SHISA9: variants seen among roughly 807,000 people sequenced by gnomAD.
SHISA9 encodes protein shisa-9.
SHISA9 carries 13 observed loss-of-function variants against 38.0 expected under a neutral mutation model. The observed-to-expected ratio is 0.34, with a 90% CI of 0.22 to 0.54. The LOEUF is 0.54. Among genes scored for constraint, SHISA9 ranks in the 20% least tolerant of loss-of-function variants. SHISA9 has a pLI of 0.91. For missense variants in SHISA9, 538 were observed against 575.8 expected (o/e 0.93, Z 0.67); for synonymous variants, 275 against 242.0 (o/e 1.14, Z -1.27).
the SHISA9 span, among the ~76,000 whole-genome samples, chr16:13,420,182 G>A: frequency 0.012 from 1,557 of 133,086 alleles, 39 homozygotes; most frequent in African/African-American, 0.041. Flanking sequence ...GAGCGGGGAG[G>A]TTGCCCTGAG....
At chr16:13,296,431 A>T in the SHISA9 span, among the ~76,000 whole-genome samples, 2 of 149,116 alleles carry the variant, frequency 1.3e-5, no homozygotes, top group African/African-American at 5.1e-5. Context: ...CGCAGGGGGG[A>T]AAAAAACAGA....
chr16:13,302,706 A>T, the SHISA9 span, among the ~76,000 whole-genome samples: 1 of 152,160 alleles, frequency 6.6e-6, no homozygotes, highest in African/African-American at 2.4e-5. Flanking sequence ...GGTAGTCTTC[A>T]TTCATGCGAG....
chr16:13,520,937 A>G, the SHISA9 span, among the ~76,000 whole-genome samples: 1 of 152,208 alleles, frequency 6.6e-6, no homozygotes, highest in African/African-American at 2.4e-5. Flanking sequence ...TGATCAAATC[A>G]TTGTAATTAG....
At chr16:13,219,820 T>A (rs2051205110) in intron 4 of SHISA9, among the ~76,000 whole-genome samples, 1 of 152,094 alleles carries the variant, frequency 6.6e-6, no homozygotes, top group Non-Finnish European at 1.5e-5. Context: ...TAGCTGGGCA[T>A]GATAGTGGGT....
chr16:13,230,380 G>A (rs1408489171), intron 4 of SHISA9, among the ~76,000 whole-genome samples: 2 of 152,184 alleles, frequency 1.3e-5, no homozygotes, highest in African/African-American at 4.8e-5. Flanking sequence ...GTTCAAAGGG[G>A]GTAGGAGAAA....
chr16:13,514,811 G>T, the SHISA9 span, among the ~76,000 whole-genome samples: 1 of 151,878 alleles, frequency 6.6e-6, no homozygotes, highest in African/African-American at 2.4e-5. Context: ...GAAAAATGAA[G>T]AAAACCGCAT....
At chr16:13,377,961 A>T in the SHISA9 span, among the ~76,000 whole-genome samples, 1 of 152,134 alleles carries the variant, frequency 6.6e-6, no homozygotes, top group Non-Finnish European at 1.5e-5. Context: ...TGAACCTGGA[A>T]GGCGGAGGTG....
intron 2 of SHISA9, among the ~76,000 whole-genome samples, chr16:13,111,376 C>G (rs75917250): frequency 0.076 from 11,266 of 148,256 alleles, 595 homozygotes; most frequent in Admixed American, 0.15. Context: ...AACAAAAAAA[C>G]AGCTTCCCTT....
intron 4 of SHISA9, among the ~76,000 whole-genome samples, chr16:13,220,069 C>T (rs985139740): frequency 6.6e-6 from 1 of 152,200 alleles, no homozygotes; most frequent in Admixed American, 6.5e-5. Context: ...GCTACTGCCA[C>T]AATAACACTG....
the SHISA9 span, among the ~76,000 whole-genome samples, chr16:13,490,944 G>A: frequency 1.3e-5 from 2 of 152,132 alleles, no homozygotes; most frequent in African/African-American, 2.4e-5. Context: ...AAGTTTTCCT[G>A]TGGAAGCAGC....
chr16:13,317,896 G>A, the SHISA9 span, among the ~76,000 whole-genome samples: 3,386 of 152,108 alleles, frequency 0.022, 51 homozygotes, highest in Middle Eastern at 0.041. Context: ...GCTACCACTT[G>A]GAAGTGAAAA....
the SHISA9 span, chr16:13,332,102 A>C: frequency 6.6e-6 from 1 of 152,216 alleles, no homozygotes; most frequent in African/African-American, 2.4e-5. Flanking sequence ...CAGGAAAAAA[A>C]CACAAAAACA....
the SHISA9 span, among the ~76,000 whole-genome samples, chr16:13,377,471 C>G: frequency 6.6e-6 from 1 of 152,154 alleles, no homozygotes; most frequent in Non-Finnish European, 1.5e-5. Flanking sequence ...CCCAATATGC[C>G]TCTGTTACCT....
chr16:12,991,941 T>A (rs1183080566), intron 2 of SHISA9, among the ~76,000 whole-genome samples: 1 of 152,202 alleles, frequency 6.6e-6, no homozygotes, highest in Admixed American at 6.5e-5. Flanking sequence ...AGGATGACAC[T>A]AAAATAGATA....
the SHISA9 span, among the ~76,000 whole-genome samples, chr16:13,355,709 A>C: frequency 1.3e-5 from 2 of 151,720 alleles, no homozygotes; most frequent in African/African-American, 4.9e-5. Context: ...GGTAATGTGG[A>C]GTGGGTAGCC....
At chr16:13,357,787 C>G in the SHISA9 span, among the ~76,000 whole-genome samples, 2 of 148,190 alleles carry the variant, frequency 1.3e-5, no homozygotes, top group Non-Finnish European at 3.0e-5. Context: ...TCGCAAGGTG[C>G]TCAGTGGGCA....
intron 2 of SHISA9, among the ~76,000 whole-genome samples, chr16:13,098,744 C>T (rs529449364): frequency 2.6e-5 from 4 of 152,306 alleles, no homozygotes; most frequent in East Asian, 1.9e-4. Flanking sequence ...CCTCCAGGAA[C>T]GGAACTCAGA....
the SHISA9 span, among the ~76,000 whole-genome samples, chr16:13,518,319 T>C: frequency 6.6e-6 from 1 of 152,018 alleles, no homozygotes; most frequent in Non-Finnish European, 1.5e-5. Flanking sequence ...AGGCTCAAGA[T>C]GCTATCTCAG....
At chr16:13,352,711 G>A in the SHISA9 span, among the ~76,000 whole-genome samples, 1 of 47,464 alleles carries the variant, frequency 2.1e-5, no homozygotes, top group Non-Finnish European at 4.7e-5. Context: ...GGGGGGGGGG[G>A]GCGGGGCGTT....
Sources: allele counts gnomAD v4.1 joint callset (sites outside exome capture counted in the v4.1 genomes callset), GRCh38; gene constraint gnomAD v4.1.1; transcripts MANE v1.5; gene names NCBI Gene and HGNC (gene_info 2026-07-23, HGNC 2026-07-21).